The following LRMDA variants were observed in gnomAD, a reference collection of about 807,000 sequenced individuals.
The protein encoded by LRMDA is leucine-rich melanocyte differentiation-associated protein.
In LRMDA, 18 loss-of-function variants were observed where a neutral mutation model predicts 29.8. That is an observed-to-expected ratio of 0.60 (90% CI 0.42 to 0.90). LRMDA has a LOEUF of 0.90. Among genes scored for constraint, LRMDA ranks in the 40% least tolerant of loss-of-function variants. LRMDA has a pLI of 0.00. For synonymous variants in LRMDA, 125 were observed against 109.4 expected, an observed-to-expected ratio of 1.14 and a Z score of -0.89; for missense variants, 273 against 273.9, an observed-to-expected ratio of 1.00 and a Z score of 0.02.
At chr10:76,331,805 C>T (rs1471528227) in intron 6 of LRMDA, among the ~76,000 whole-genome samples, 1 of 152,102 alleles carries the variant, frequency 6.6e-6, no homozygotes, top group African/African-American at 2.4e-5. Context: ...CTTCATAATG[C>T]TTTTATGGGC....
At chr10:76,095,127 A>T (rs140467892) in intron 5 of LRMDA, among the ~76,000 whole-genome samples, 12 of 152,330 alleles carry the variant, frequency 7.9e-5, no homozygotes, top group African/African-American at 2.4e-4. Context: ...CCTGTACCTT[A>T]GTAGTCAACC....
At chr10:76,089,258 G>A (rs1019144785) in intron 5 of LRMDA, among the ~76,000 whole-genome samples, 2 of 152,116 alleles carry the variant, frequency 1.3e-5, no homozygotes, top group African/African-American at 4.8e-5. Flanking sequence ...GCAGAGCTGG[G>A]GTCTGAATCC....
chr10:76,212,262 CACACAT>C (rs1326684239), intron 5 of LRMDA, among the ~76,000 whole-genome samples: 1 of 145,500 alleles, frequency 6.9e-6, no homozygotes, highest in Non-Finnish European at 1.5e-5. Flanking sequence ...CACACACACA[CACACAT>C]AAAAAAAAAA....
intron 2 of LRMDA, among the ~76,000 whole-genome samples, chr10:75,548,415 C>T (rs1260966827): frequency 6.6e-6 from 1 of 152,140 alleles, no homozygotes; most frequent in African/African-American, 2.4e-5. Context: ...TTTGGGAGTT[C>T]CTTTCCCATG....
chr10:75,470,021 C>T (rs1844707056), intron 2 of LRMDA, among the ~76,000 whole-genome samples: 1 of 152,146 alleles, frequency 6.6e-6, no homozygotes, highest in Non-Finnish European at 1.5e-5. Flanking sequence ...TTCTTGGATG[C>T]ACCTCTCCCC....
At chr10:76,170,573 T>G (rs1850816625) in intron 5 of LRMDA, among the ~76,000 whole-genome samples, 1 of 152,256 alleles carries the variant, frequency 6.6e-6, no homozygotes, top group Non-Finnish European at 1.5e-5. Flanking sequence ...GAGATAATAC[T>G]GCTACCAATT....
chr10:76,103,897 A>G (rs2132105513), intron 5 of LRMDA, among the ~76,000 whole-genome samples: 1 of 151,942 alleles, frequency 6.6e-6, no homozygotes, highest in African/African-American at 2.4e-5. Flanking sequence ...AAAAATACAA[A>G]AGTTAGCCAG....
intron 2 of LRMDA, among the ~76,000 whole-genome samples, chr10:75,975,278 T>A (rs1335458860): frequency 6.6e-6 from 1 of 152,232 alleles, no homozygotes. Flanking sequence ...TGAGTGCCTC[T>A]ACACTGATGG....
At chr10:76,197,356 T>C (rs1357585300) in intron 5 of LRMDA, among the ~76,000 whole-genome samples, 2 of 152,220 alleles carry the variant, frequency 1.3e-5, no homozygotes, top group African/African-American at 2.4e-5. Context: ...TTGGGGACTG[T>C]ACAATTCATT....
intron 5 of LRMDA, among the ~76,000 whole-genome samples, chr10:76,292,012 G>A (rs1290435325): frequency 6.6e-6 from 1 of 151,920 alleles, no homozygotes; most frequent in African/African-American, 2.4e-5. Context: ...ATATACACAT[G>A]AAAATGTCAG....
intron 5 of LRMDA, among the ~76,000 whole-genome samples, chr10:76,248,124 A>G (rs1021885766): frequency 5.3e-5 from 8 of 152,024 alleles, no homozygotes; most frequent in Admixed American, 3.3e-4. Flanking sequence ...CTCAATTGGG[A>G]GCTATTTTGA....
chr10:75,458,571 G>A (rs1844548534), intron 2 of LRMDA, among the ~76,000 whole-genome samples: 1 of 152,184 alleles, frequency 6.6e-6, no homozygotes, highest in South Asian at 2.1e-4. Context: ...TTTTAAGAAA[G>A]CCAAACGTCA....
chr10:76,227,361 G>A (rs979323088), intron 5 of LRMDA, among the ~76,000 whole-genome samples: 1 of 152,072 alleles, frequency 6.6e-6, no homozygotes, highest in East Asian at 1.9e-4. Flanking sequence ...TTATGCAAGA[G>A]TCTTAAAGTA....
chr10:75,762,815 CAT>C (rs895717990), intron 2 of LRMDA, among the ~76,000 whole-genome samples: 3 of 152,074 alleles, frequency 2.0e-5, no homozygotes, highest in Non-Finnish European at 1.5e-5. Context: ...TATGTGGTCT[CAT>C]ATATATATGA....
chr10:75,566,054 G>C (rs900926936), intron 2 of LRMDA, among the ~76,000 whole-genome samples: 2 of 152,202 alleles, frequency 1.3e-5, no homozygotes, highest in Non-Finnish European at 2.9e-5. Context: ...CAGCCTGGGT[G>C]ACAGAGTGAG....
At chr10:75,872,805 C>T (rs1845136546) in intron 2 of LRMDA, among the ~76,000 whole-genome samples, 1 of 152,126 alleles carries the variant, frequency 6.6e-6, no homozygotes, top group African/African-American at 2.4e-5. Flanking sequence ...CCTGTTAAAT[C>T]ATCACCTCTT....
intron 5 of LRMDA, among the ~76,000 whole-genome samples, chr10:76,226,042 C>A (rs1371059090): frequency 6.6e-6 from 1 of 152,004 alleles, no homozygotes; most frequent in Admixed American, 6.6e-5. Flanking sequence ...CATGTCCCTA[C>A]AAAGGACATG....
chr10:75,590,840 C>T (rs1410401468), intron 2 of LRMDA, among the ~76,000 whole-genome samples: 14 of 145,222 alleles, frequency 9.6e-5, no homozygotes, highest in African/African-American at 1.8e-4. Flanking sequence ...TTCTGCCTCC[C>T]GGGTTCAAGT....
intron 2 of LRMDA, among the ~76,000 whole-genome samples, chr10:75,878,717 G>C (rs1845242373): frequency 1.3e-5 from 2 of 152,088 alleles, no homozygotes; most frequent in Admixed American, 6.5e-5. Context: ...CCTCACCAGG[G>C]ACCCCACCCT....
Sources: allele counts gnomAD v4.1 joint callset (sites outside exome capture counted in the v4.1 genomes callset), GRCh38; gene constraint gnomAD v4.1.1; transcripts MANE v1.5; gene names NCBI Gene and HGNC (gene_info 2026-07-23, HGNC 2026-07-21).